The following PRICKLE2 variants were observed in gnomAD, a reference collection of about 807,000 sequenced individuals.
The protein encoded by PRICKLE2 is prickle-like protein 2.
PRICKLE2 carries 21 observed loss-of-function variants against 81.4 expected under a neutral mutation model. The observed-to-expected ratio is 0.26, with a 90% CI of 0.18 to 0.37. The LOEUF (loss-of-function observed/expected upper bound fraction) is 0.37, where lower values mean the gene tolerates loss of function less well. Ranked by LOEUF, PRICKLE2 falls within the 10% of genes least tolerant of loss-of-function variation. The pLI is 1.00. For synonymous variants in PRICKLE2, 456 were observed against 421.5 expected (o/e 1.08, Z -1.00); for missense variants, 940 against 1,109.0 (o/e 0.85, Z 2.16).
chr3:64,265,753 T>C (rs1278993299), intron 2 of PRICKLE2, among the ~76,000 whole-genome samples: 2 of 152,206 alleles, frequency 1.3e-5, no homozygotes, highest in African/African-American at 4.8e-5. Context: ...TGGTGAGTGC[T>C]AGTTCAAACC....
At chr3:64,226,601 T>C (rs146014550), upstream of PRICKLE2, among the ~76,000 whole-genome samples, 20 of 152,364 alleles carry the variant, frequency 1.3e-4, no homozygotes, top group East Asian at 3.9e-3. Context: ...AATAGAACTA[T>C]GGTGAAGATT....
intron 2 of PRICKLE2, among the ~76,000 whole-genome samples, chr3:64,260,929 C>A (rs1001515762): frequency 2.6e-5 from 4 of 152,120 alleles, no homozygotes; most frequent in Non-Finnish European, 4.4e-5. Context: ...ACTTTTGGAT[C>A]CCAAATCAAT....
chr3:64,202,645 C>CGTGTGTGTGTGTGTGTGT (rs71099794), intron 1 of PRICKLE2, among the ~76,000 whole-genome samples: 10 of 149,434 alleles, frequency 6.7e-5, no homozygotes, highest in Middle Eastern at 3.5e-3. Context: ...TACTTGTGTG[C>CGTGTGTGTGTGTGTGTGT]GTGTGTGTGT....
intron 7 of PRICKLE2, 88 bp downstream of exon 7, chr3:64,146,742 C>CAAA: frequency 6.6e-6 from 8 of 1,203,072 alleles, no homozygotes; most frequent in Admixed American, 2.0e-5. Flanking sequence ...GACTCCATTT[C>CAAA]AAAAAAAAAA....
intron 7 of PRICKLE2, among the ~76,000 whole-genome samples, chr3:64,145,124 G>C (rs1370177081): frequency 7.0e-6 from 1 of 143,654 alleles, no homozygotes; most frequent in African/African-American, 2.6e-5. Flanking sequence ...TCTAGAGACA[G>C]GTTGTCACTC....
chr3:64,151,670 G>A (rs1036972321), intron 6 of PRICKLE2, among the ~76,000 whole-genome samples: 2 of 152,152 alleles, frequency 1.3e-5, no homozygotes, highest in Non-Finnish European at 2.9e-5. Context: ...ATCCTCGGTT[G>A]GGCAATACTG....
chr3:64,189,675 T>C (rs991772027), intron 2 of PRICKLE2, among the ~76,000 whole-genome samples: 1 of 152,230 alleles, frequency 6.6e-6, no homozygotes, highest in Non-Finnish European at 1.5e-5. Context: ...CAAACCCTGT[T>C]TATTAAATGG....
At chr3:64,197,616 C>T (rs1334838665) in intron 2 of PRICKLE2, among the ~76,000 whole-genome samples, 2 of 152,128 alleles carry the variant, frequency 1.3e-5, no homozygotes, top group African/African-American at 4.8e-5. Flanking sequence ...AAACCAAATA[C>T]TGCATGTTCT....
At chr3:64,243,179 C>T (rs959672159) in intron 2 of PRICKLE2, among the ~76,000 whole-genome samples, 10 of 152,196 alleles carry the variant, frequency 6.6e-5, no homozygotes, top group African/African-American at 2.4e-4. Context: ...AAAAAATTGT[C>T]TGTGGACAGT....
At chr3:64,224,624 T>C (rs949232860) in intron 1 of PRICKLE2, among the ~76,000 whole-genome samples, 1 of 152,188 alleles carries the variant, frequency 6.6e-6, no homozygotes, top group Non-Finnish European at 1.5e-5. Context: ...TATGGTTTTT[T>C]AAAGAAAGCT....
chr3:64,111,208 A>T (rs540523497), intron 7 of PRICKLE2, among the ~76,000 whole-genome samples: 1 of 152,362 alleles, frequency 6.6e-6, no homozygotes, highest in East Asian at 1.9e-4. Context: ...AACACAAAGT[A>T]CTTAGAACAG....
intron 1 of PRICKLE2, among the ~76,000 whole-genome samples, chr3:64,218,670 TG>T (rs1243540373): frequency 6.6e-6 from 1 of 152,226 alleles, no homozygotes; most frequent in Non-Finnish European, 1.5e-5. Flanking sequence ...TTTATTACTC[TG>T]CAGATGGAGA....
chr3:64,263,768 T>C (rs2079651436), intron 2 of PRICKLE2, among the ~76,000 whole-genome samples: 1 of 152,142 alleles, frequency 6.6e-6, no homozygotes, highest in South Asian at 2.1e-4. Context: ...GCTGCAGGAA[T>C]TAAAAGCACT....
chr3:64,163,753 G>A lies in PRICKLE2; in HGVS notation c.145-624C>T, dbSNP rs187036766. 1.2e-3 allele frequency: 193 copies of A among 158,058 alleles called. 1 individual carries two copies. Among genetic ancestry groups the A allele is most frequent in the Non-Finnish European group, 1.9e-3 (133 of 71,206 alleles). 9.8% of individuals were successfully genotyped at this position (158,058 alleles called of 1,614,324 possible). On this transcript the variant is annotated intron_variant, in intron 2 of 7. Transcript: ENST00000638394. ...CACATCCCACAACATTCCTGTTTACGACTGTTAGGACATATTCTTGTACTT... is the reference window on the plus strand; with the variant it reads ...CACATCCCACAACATTCCTGTTTACAACTGTTAGGACATATTCTTGTACTT...
chr3:64,190,760 G>T (rs2107099076), intron 2 of PRICKLE2, among the ~76,000 whole-genome samples: 1 of 152,314 alleles, frequency 6.6e-6, no homozygotes, highest in East Asian at 1.9e-4. Flanking sequence ...GCCAAATCAA[G>T]GAGCCTCTGC....
chr3:64,101,083 T>C (rs2106937901), intron 7 of PRICKLE2: 1 of 152,194 alleles, frequency 6.6e-6, no homozygotes, highest in East Asian at 1.9e-4. Flanking sequence ...CACATATACG[T>C]ATATGAATTA....
At chr3:64,188,621 C>T (rs1477959759) in intron 2 of PRICKLE2, among the ~76,000 whole-genome samples, 1 of 152,190 alleles carries the variant, frequency 6.6e-6, no homozygotes, top group African/African-American at 2.4e-5. Flanking sequence ...AAAGTCCCAG[C>T]TCAAATGTCA....
At chr3:64,213,113 G>A (rs923606727) in intron 1 of PRICKLE2, among the ~76,000 whole-genome samples, 2 of 87,652 alleles carry the variant, frequency 2.3e-5, no homozygotes, top group East Asian at 3.2e-4. Context: ...TTTTTCTTTT[G>A]TTGCCCAAGC....
At position 64,099,220 on chromosome 3, in the gene PRICKLE2, T is replaced by C. The variant is rs1347509818; in HGVS notation, c.2366A>G (p.Tyr789Cys). The C allele has an allele frequency of 1.9e-6, 3 of 1,614,166 alleles. No homozygotes were observed. The highest frequency in any genetic ancestry group is 4.5e-5 in the East Asian group (2 of 44,868). The change falls in exon 8 of 8, where the codon TAT becomes TGT. Residue 789 changes from tyrosine to cysteine, a missense_variant. This residue lies in a region of PRICKLE2 where 670 missense variants were observed against 717.2 expected (regional missense o/e 0.93). Coordinates refer to ENST00000638394, the MANE Select transcript of PRICKLE2 (RefSeq NM_198859.4). The surrounding 1 kb of genome is among the most constrained non-coding windows in gnomAD (Gnocchi z 4.3). ...SSSSESDNEG[Y>C]FLGEPIPQPA... ...CTGGGGGATGGGTTCTCCTAGGAAA[T>C]AGCCCTCGTTGTCAGACTCTGAAGA...
Sources: gnomAD v4.1 joint callset for allele counts (sites outside exome capture counted in the v4.1 genomes callset) on GRCh38, gnomAD v4.1.1 for gene constraint, gnomAD v4.1.1 regional missense constraint, Gnocchi (gnomAD v3.1) non-coding constraint, MANE v1.5 for transcripts, NCBI Gene and HGNC (gene_info 2026-07-23, HGNC 2026-07-21) for gene names.